SEL1L: variants seen among roughly 807,000 people sequenced by gnomAD.
SEL1L encodes the protein SEL1L adaptor subunit of SYVN1 ubiquitin ligase.
Under a neutral mutation model 109.8 loss-of-function variants are expected in SEL1L, and 52 were observed. That is an observed-to-expected ratio of 0.47 (90% CI 0.38 to 0.60). The LOEUF (loss-of-function observed/expected upper bound fraction) is 0.60, where lower values mean the gene tolerates loss of function less well. Among genes scored for constraint, SEL1L ranks in the 20% least tolerant of loss-of-function variants. The pLI, the probability that SEL1L is intolerant of heterozygous loss-of-function variation, is 0.00. For synonymous variants in SEL1L, 373 were observed against 339.6 expected (o/e 1.10, Z -1.08); for missense variants, 749 against 962.2 (o/e 0.78, Z 2.93).
intron 17 of SEL1L, 118 bp from the exon 18 acceptor site, chr14:81,485,864 A>G: frequency 4.9e-6 from 4 of 820,928 alleles, no homozygotes; most frequent in Non-Finnish European, 2.0e-6. Context: ...TTAGGATATA[A>G]AAATTAAAAC....
Position 81,497,949 on chromosome 14 carries a change from T to C in SEL1L, c.1071A>G (p.Glu357=). 1 of 1,614,120 alleles carries C rather than the reference T, an allele frequency of 6.2e-7. No individual in the cohort carries two copies. The highest frequency in any genetic ancestry group is 8.5e-7 in the Non-Finnish European group (1 of 1,179,978). The change falls in exon 10 of 21, where the codon GAA becomes GAG. Residue 357 remains glutamate, a synonymous_variant. Coordinates refer to ENST00000336735, the MANE Select transcript of SEL1L (RefSeq NM_005065.6). ...ACTGGTAATATTGAATCAAATCTTC[T>C]TCTAGCATTCCACTGTTCATTCCTG... ...ENPGMNSGML[E]EDLIQYYQFL... is the part of the protein sequence containing the mutation.
intron 3 of SEL1L, among the ~76,000 whole-genome samples, chr14:81,512,666 G>T (rs1458452614): frequency 6.6e-6 from 1 of 152,216 alleles, no homozygotes; most frequent in East Asian, 1.9e-4. Context: ...GCCTATCTGT[G>T]AGTTCTAGTT....
chr14:81,532,272 T>C (rs1196226895), intron 1 of SEL1L, among the ~76,000 whole-genome samples: 1 of 152,218 alleles, frequency 6.6e-6, no homozygotes, highest in Non-Finnish European at 1.5e-5. Context: ...GAATCCCTCA[T>C]GGAGATTGTT....
At chr14:81,532,811 G>A (rs966632347) in intron 1 of SEL1L, among the ~76,000 whole-genome samples, 13 of 152,114 alleles carry the variant, frequency 8.5e-5, no homozygotes, top group African/African-American at 3.1e-4. Flanking sequence ...CACCTGTCCT[G>A]TTAACTGAAA....
chr14:81,518,946 G>C (rs1884810089), intron 3 of SEL1L, among the ~76,000 whole-genome samples: 1 of 152,126 alleles, frequency 6.6e-6, no homozygotes, highest in Non-Finnish European at 1.5e-5. Context: ...CTTTGAGAAG[G>C]CTGGCTTCCA....
At chr14:81,490,685 G>A (rs565262055) in intron 12 of SEL1L, among the ~76,000 whole-genome samples, 2 of 152,326 alleles carry the variant, frequency 1.3e-5, no homozygotes, top group Admixed American at 6.5e-5. Flanking sequence ...TGGATCACCC[G>A]ATGTCAGGAG....
intron 4 of SEL1L, among the ~76,000 whole-genome samples, chr14:81,504,884 C>T (rs1013211800): frequency 3.3e-4 from 50 of 152,094 alleles, no homozygotes; most frequent in African/African-American, 1.1e-3. Flanking sequence ...CCATATGAGA[C>T]GGCTGCATCT....
chr14:81,507,879 G>A (rs1434419576), intron 3 of SEL1L, among the ~76,000 whole-genome samples: 1 of 152,084 alleles, frequency 6.6e-6, no homozygotes, highest in Non-Finnish European at 1.5e-5. Flanking sequence ...TATAGATTCC[G>A]GGGTCAGAAC....
Position 81,473,448 on chromosome 14 carries a change from C to T in SEL1L, c.*3524G>A, listed in dbSNP as rs1903063027. 1 of 152,090 alleles carries T rather than the reference C, an allele frequency of 6.6e-6. No homozygotes were observed. The highest frequency in any genetic ancestry group is 6.6e-5 in the Admixed American group (1 of 15,264). 9.4% of individuals were successfully genotyped at this position (152,090 alleles called of 1,614,324 possible). A position where few individuals can be genotyped will look rare whatever the true frequency, so the allele number is the denominator to read the frequency against. ...AAATCCAGATCGTGCCTCAGGCATT[C>T]AGGAGTGTTATATTTTAATTTATAT... is the stretch of plus-strand genomic sequence containing the variant. On this transcript the variant is annotated 3_prime_UTR_variant, in exon 21 of 21. Coordinates refer to ENST00000336735, the MANE Select transcript of SEL1L (RefSeq NM_005065.6).
At chr14:81,480,459 C>T (rs994671575) in intron 19 of SEL1L, among the ~76,000 whole-genome samples, 1 of 152,132 alleles carries the variant, frequency 6.6e-6, no homozygotes, top group African/African-American at 2.4e-5. Flanking sequence ...AAAGTGGGCT[C>T]ATTCTTATAA....
At chr14:81,484,734 G>A (rs146679967) in intron 18 of SEL1L, among the ~76,000 whole-genome samples, 1 of 152,108 alleles carries the variant, frequency 6.6e-6, no homozygotes, top group Non-Finnish European at 1.5e-5. Context: ...CAAAGGAAAC[G>A]CTCACAGGAG....
At chr14:81,494,502 A>C (rs977938262) in intron 11 of SEL1L, among the ~76,000 whole-genome samples, 9 of 152,198 alleles carry the variant, frequency 5.9e-5, no homozygotes, top group Admixed American at 3.9e-4. Flanking sequence ...GGATATGCTG[A>C]TGTGATCAGG....
chr14:81,502,605 T>G, intron 6 of SEL1L, 116 bp downstream of exon 6: 1 of 1,007,046 alleles, frequency 9.9e-7, no homozygotes, highest in South Asian at 1.8e-5. Context: ...AGCCACAAAA[T>G]TGGTATTTAT....
chr14:81,498,198 T>C (rs1883853593), intron 9 of SEL1L, 152 bp from the exon 10 acceptor site: 4 of 902,318 alleles, frequency 4.4e-6, no homozygotes, highest in Non-Finnish European at 6.5e-6. Flanking sequence ...AAATCAGTAA[T>C]CTATTAATAA....
intron 3 of SEL1L, among the ~76,000 whole-genome samples, chr14:81,524,645 G>A (rs1885045516): frequency 6.6e-6 from 1 of 152,226 alleles, no homozygotes; most frequent in Non-Finnish European, 1.5e-5. Flanking sequence ...GCCAAGGTGG[G>A]CAGATCACTT....
chr14:81,522,983 A>T (rs1347659211), intron 3 of SEL1L, among the ~76,000 whole-genome samples: 2 of 152,228 alleles, frequency 1.3e-5, no homozygotes, highest in African/African-American at 4.8e-5. Context: ...CAGAGGGCTG[A>T]CATGTATGTA....
At chr14:81,515,762 T>C (rs1566623105) in intron 3 of SEL1L, among the ~76,000 whole-genome samples, 1 of 152,164 alleles carries the variant, frequency 6.6e-6, no homozygotes, top group Non-Finnish European at 1.5e-5. Flanking sequence ...TATTACCCAA[T>C]CAGCCGCAGA....
intron 10 of SEL1L, among the ~76,000 whole-genome samples, chr14:81,497,630 G>A (rs1459556909): frequency 6.6e-6 from 1 of 152,036 alleles, no homozygotes; most frequent in Non-Finnish European, 1.5e-5. Context: ...TTTTTTAGGG[G>A]CAGTACACGG....
intron 3 of SEL1L, among the ~76,000 whole-genome samples, chr14:81,517,939 CTTT>C (rs201565822): frequency 6.7e-6 from 1 of 148,806 alleles, no homozygotes; most frequent in African/African-American, 2.6e-5. Context: ...ACTTCTTCTT[CTTT>C]TTTTTTGAGA....
Sources: gnomAD v4.1 joint callset for allele counts (sites outside exome capture counted in the v4.1 genomes callset) on GRCh38, gnomAD v4.1.1 for gene constraint, MANE v1.5 for transcripts, NCBI Gene and HGNC (gene_info 2026-07-23, HGNC 2026-07-21) for gene names.